The following ASH1L variants were observed in gnomAD, a reference collection of about 807,000 sequenced individuals.
ASH1L encodes histone-lysine N-methyltransferase ASH1L.
In ASH1L, 23 loss-of-function variants were observed where a neutral mutation model predicts 269.0. The ratio of observed to expected loss-of-function variants is 0.09; its 90% CI spans 0.06 to 0.12. The LOEUF (loss-of-function observed/expected upper bound fraction) is 0.12, where lower values mean the gene tolerates loss of function less well. Among genes scored for constraint, ASH1L ranks in the 10% least tolerant of loss-of-function variants. The pLI is 1.00. For missense variants in ASH1L, 2,912 were observed against 3,567.8 expected (o/e 0.82, Z 4.68); for synonymous variants, 1,187 against 1,253.5 (o/e 0.95, Z 1.12).
intron 7 of ASH1L, among the ~76,000 whole-genome samples, chr1:155,386,407 A>C (rs1427974572): frequency 2.6e-5 from 4 of 151,590 alleles, no homozygotes; most frequent in African/African-American, 7.3e-5. Context: ...TGTTGTTTTG[A>C]GACGGAGTCT....
chr1:155,407,852 T>TA (rs765475195), intron 6 of ASH1L, among the ~76,000 whole-genome samples: 216 of 147,226 alleles, frequency 1.5e-3, no homozygotes, highest in Middle Eastern at 7.0e-3. Context: ...CAGGACTGGT[T>TA]AAAAAAAAAA....
intron 10 of ASH1L, among the ~76,000 whole-genome samples, chr1:155,375,727 G>C (rs1656376143): frequency 6.6e-6 from 1 of 152,086 alleles, no homozygotes; most frequent in Admixed American, 6.6e-5. Context: ...GAACCCGGGA[G>C]GTGGAGGCTG....
At chr1:155,358,392 A>C (rs1654604384) in intron 13 of ASH1L, among the ~76,000 whole-genome samples, 1 of 152,138 alleles carries the variant, frequency 6.6e-6, no homozygotes, top group South Asian at 2.1e-4. Context: ...TCTTTAAAAA[A>C]AAATTTTAAA....
rs1405075622 is a variant in ASH1L, at chr1:155,507,145, T to C, written c.420+13955A>G. ...AAAATACAAAATTAGCCAGACATGG[T>C]GGTGCGTGCCTGCAATGCCAGCTAC... On this transcript the variant is annotated intron_variant, in intron 2 of 27. Coordinates refer to ENST00000392403, the MANE Select transcript of ASH1L (RefSeq NM_018489.3). Among the ~76,000 whole-genome samples, 6 of 152,106 alleles carry C rather than the reference T, an allele frequency of 3.9e-5. No individual in the cohort carries two copies. In the East Asian group the frequency reaches 1.2e-3, roughly 29 times the overall value.
chr1:155,422,507 C>CAAAGTGGGAG (rs1660782015), intron 5 of ASH1L, among the ~76,000 whole-genome samples: 1 of 151,756 alleles, frequency 6.6e-6, no homozygotes, highest in South Asian at 2.1e-4. Flanking sequence ...CTCTGCCTCC[C>CAAAGTGGGAG]AAAGTGGGAG....
In ASH1L at chr1:155,338,173, T is replaced by A. The variant is rs775661137; in HGVS notation, c.8719A>T (p.Thr2907Ser). Residue 2907 changes from threonine (T) to serine (S), a missense_variant, in exon 27 of 28, where the codon ACC becomes TCC. Thr to Ser is a moderately conservative substitution (Grantham distance 58). Around this residue, in one of 13 missense-constraint regions of ASH1L, gnomAD observed 154 missense variants for 165.0 expected, o/e 0.93. Transcript: ENST00000392403. ...ESSQEPQSTC[T>S]PEERRHNQRE... ...TGGTTATGCCGTCGTTCCTCAGGGG[T>A]ACAGGTTGACTGGGGTTCTTGACTA... The A allele has an allele frequency of 9.9e-6, 16 of 1,614,102 alleles. No homozygotes were observed. The South Asian group carries it at 1.6e-4, about 17-fold the overall frequency.
chr1:155,482,311 C>G lies in ASH1L; in HGVS notation c.559G>C (p.Asp187His), dbSNP rs1163050427. 19 of 1,614,138 alleles carry G rather than the reference C, an allele frequency of 1.2e-5. No homozygotes were observed. Among genetic ancestry groups the G allele is most frequent in the Non-Finnish European group, 1.5e-5 (18 of 1,180,014 alleles). The change falls in exon 3 of 28, where the codon GAT becomes CAT. Residue 187 changes from aspartate (D) to histidine (H), a missense_variant. By Grantham distance (81) the Asp-to-His change is moderately conservative. Coordinates refer to ENST00000392403, the MANE Select transcript of ASH1L (RefSeq NM_018489.3). ...KLSPVHSEMADYINATPSTLL... is the reference protein window; with the variant it reads ...KLSPVHSEMAHYINATPSTLL... ...GTAGATGGCGTTGCATTAATATAAT[C>G]TGCCATTTCTGAGTGTACTGGAGAC... is the stretch of plus-strand genomic sequence containing the variant.
chr1:155,510,116 T>C (rs778661119), intron 2 of ASH1L, among the ~76,000 whole-genome samples: 5 of 151,662 alleles, frequency 3.3e-5, no homozygotes, highest in Non-Finnish European at 5.9e-5. Flanking sequence ...AATAACAAAC[T>C]GGAAAAAGAA....
chr1:155,453,215 C>A (rs1663620541), intron 4 of ASH1L, among the ~76,000 whole-genome samples: 1 of 151,998 alleles, frequency 6.6e-6, no homozygotes, highest in Non-Finnish European at 1.5e-5. Context: ...CTTAGCCAGG[C>A]GTGGTAGCAC....
intron 25 of ASH1L, among the ~76,000 whole-genome samples, chr1:155,340,261 G>A (rs1468876461): frequency 1.3e-5 from 2 of 152,206 alleles, no homozygotes; most frequent in African/African-American, 4.8e-5. Flanking sequence ...TTGGCTCACT[G>A]CAATCTCTGC....
At chr1:155,350,497 A>G (rs188598974) in intron 17 of ASH1L, among the ~76,000 whole-genome samples, 4 of 152,318 alleles carry the variant, frequency 2.6e-5, no homozygotes, top group African/African-American at 9.6e-5. Context: ...GTGAAGAATG[A>G]GAGATGGGAA....
intron 5 of ASH1L, chr1:155,433,794 A>G: frequency 1.2e-6 from 2 of 1,606,876 alleles, no homozygotes; most frequent in Non-Finnish European, 1.7e-6. Flanking sequence ...CCCTTGCTGC[A>G]GAAGTGGGTG....
rs767487778 is a variant in ASH1L at position 155,438,928 on chromosome 1, C to T, written c.5227G>A (p.Ala1743Thr). 6.2e-7 allele frequency: 1 copy of T among 1,614,190 alleles called. No homozygotes were observed. The highest frequency in any genetic ancestry group is 8.5e-7 in the Non-Finnish European group (1 of 1,180,046). ...CGGCCTGGACTGGAAGAAGGTGGTG[C>T]AGAGGCAGTTGCAATCACAGCATCA... Reference protein sequence around the residue: ...SIDAVIATASAPPSSSPGRSH... With the variant: ...SIDAVIATASTPPSSSPGRSH... Residue 1743 changes from alanine (A) to threonine (T), a missense_variant, in exon 5 of 28, where the codon GCA (alanine) becomes ACA (threonine). Transcript: ENST00000392403.
At chr1:155,563,028 G>T, upstream of ASH1L, 2 of 458,610 alleles carry the variant, frequency 4.4e-6, no homozygotes, top group South Asian at 3.1e-5. Flanking sequence ...CTTGCCGTTT[G>T]ACTGGAATTG....
At chr1:155,471,851 T>C (rs960356780) in intron 3 of ASH1L, among the ~76,000 whole-genome samples, 16 of 152,258 alleles carry the variant, frequency 1.1e-4, no homozygotes, top group African/African-American at 3.6e-4. Flanking sequence ...TGATGAACTC[T>C]GCTCTTAACT....
Position 155,508,269 on chromosome 1 carries a change from A to C in ASH1L, c.420+12831T>G, listed in dbSNP as rs538512795. Among the ~76,000 whole-genome samples the C allele has an allele frequency of 3.9e-5, 6 of 152,332 alleles. No homozygotes were observed. The East Asian group carries it at 1.2e-3, about 29-fold the overall frequency. On this transcript the variant is annotated intron_variant, in intron 2 of 27. Coordinates refer to ENST00000392403, the MANE Select transcript of ASH1L (RefSeq NM_018489.3). ...TGTAACTGCATCAAAGCCAAACATA[A>C]ATTTTTAGAGAAAAATTACAAGAAA...
At chr1:155,451,309 T>G (rs1663447080) in intron 4 of ASH1L, among the ~76,000 whole-genome samples, 1 of 152,162 alleles carries the variant, frequency 6.6e-6, no homozygotes, top group African/African-American at 2.4e-5. Context: ...GGTTCCACTT[T>G]AGTGGGTGAT....
chr1:155,454,157 T>A (rs1663703758), intron 4 of ASH1L, among the ~76,000 whole-genome samples: 1 of 152,188 alleles, frequency 6.6e-6, no homozygotes, highest in Non-Finnish European at 1.5e-5. Context: ...TGATAAGAAT[T>A]TCTTATCCAC....
chr1:155,381,955 C>T lies in ASH1L; in HGVS notation c.6104-1839G>A, dbSNP rs1423112893. On this transcript the variant is annotated intron_variant, in intron 7 of 27. Transcript: ENST00000392403. ...GGAGTGCTGGCCCACACCTGTAATC[C>T]CAGCACTTTGGGAGGCCGAGGTGGG... 4.0e-5 allele frequency among the ~76,000 whole-genome samples: 6 copies of T among 150,488 alleles called. No individual in the cohort carries two copies. The Admixed American group carries it at 4.0e-4, about 10-fold the overall frequency.
Sources: allele counts gnomAD v4.1 joint callset (sites outside exome capture counted in the v4.1 genomes callset), GRCh38; gene constraint gnomAD v4.1.1; regional missense constraint gnomAD v4.1.1; transcripts MANE v1.5; gene names NCBI Gene and HGNC (gene_info 2026-07-23, HGNC 2026-07-21).